The following ZFYVE21 variants were observed in gnomAD, a reference collection of about 807,000 sequenced individuals.
ZFYVE21 encodes zinc finger FYVE-type containing 21, also known as zinc finger FYVE domain-containing protein 21.
A neutral mutation model predicts 29.5 loss-of-function variants in ZFYVE21; 21 were observed. The observed-to-expected ratio is 0.71, with a 90% CI of 0.50 to 1.02. The LOEUF (loss-of-function observed/expected upper bound fraction) is 1.02, where lower values mean the gene tolerates loss of function less well. ZFYVE21 is among the 50% of genes least tolerant of loss of function. The pLI, the probability that ZFYVE21 is intolerant of heterozygous loss-of-function variation, is 0.00. For synonymous variants in ZFYVE21, 151 were observed against 133.8 expected (o/e 1.13, Z -0.89); for missense variants, 326 against 335.4 (o/e 0.97, Z 0.22).
At chr14:103,732,522 C>G in intron 5 of ZFYVE21, 98 bp from the exon 6 acceptor site, 1 of 1,426,174 alleles carries the variant, frequency 7.0e-7, no homozygotes, top group South Asian at 1.5e-5. Flanking sequence ...CTTGGAGCAG[C>G]ACAAGGTTAG....
At chr14:103,721,294 G>A (rs1231531926) in intron 1 of ZFYVE21, among the ~76,000 whole-genome samples, 1 of 152,254 alleles carries the variant, frequency 6.6e-6, no homozygotes, top group African/African-American at 2.4e-5. Flanking sequence ...TCTGACTCCT[G>A]TAGGCAGCCA....
chr14:103,732,838 G>A lies in ZFYVE21; in HGVS notation c.669+76G>A. 3.1e-6 allele frequency: 5 copies of A among 1,600,964 alleles called. No homozygotes were observed. The South Asian group carries it at 5.5e-5, about 18-fold the overall frequency. On this transcript the variant is annotated intron_variant, in intron 6 of 6. Coordinates refer to ENST00000311141, the MANE Select transcript of ZFYVE21 (RefSeq NM_024071.4). ...TTGCCTTTCCCAGAGGAAGCTCTGTGTCCTGCCATTTGCCCCCTATCCCCA... is the reference window on the plus strand; with the variant it reads ...TTGCCTTTCCCAGAGGAAGCTCTGTATCCTGCCATTTGCCCCCTATCCCCA...
chr14:103,720,381 C>T (rs1368819743), intron 1 of ZFYVE21, among the ~76,000 whole-genome samples: 3 of 151,934 alleles, frequency 2.0e-5, no homozygotes, highest in Non-Finnish European at 4.4e-5. Flanking sequence ...TTTTGATTGG[C>T]GAGTTCTTGG....
At position 103,733,151 on chromosome 14, in the gene ZFYVE21, G is replaced by C; in HGVS notation, c.*133G>C. The C allele has an allele frequency of 1.8e-6, 2 of 1,105,106 alleles. No individual in the cohort carries two copies. Among genetic ancestry groups the C allele is most frequent in the Non-Finnish European group, 2.7e-6 (2 of 752,440 alleles). 68.5% of individuals were successfully genotyped at this position (1,105,106 alleles called of 1,614,324 possible). ...GGAAATGCAACTCACTCATGTATTTGGAGAAACAGGAGTGTTCACTTATCT... is the reference window on the plus strand; with the variant it reads ...GGAAATGCAACTCACTCATGTATTTCGAGAAACAGGAGTGTTCACTTATCT... On this transcript the variant is annotated 3_prime_UTR_variant, in exon 7 of 7. Transcript: ENST00000311141.
chr14:103,729,923 A>G (rs183098075), intron 5 of ZFYVE21: 1 of 1,491,698 alleles, frequency 6.7e-7, no homozygotes, highest in East Asian at 2.5e-5. Flanking sequence ...GCTTCTGTCC[A>G]CGGGGTGGTC....
At chr14:103,726,475 C>T (rs760330638) in intron 1 of ZFYVE21, 5 of 290,964 alleles carry the variant, frequency 1.7e-5, no homozygotes, top group African/African-American at 6.6e-5. Flanking sequence ...CTGTTGGGTC[C>T]AGTGTGGAGG....
chr14:103,728,617 T>C (rs1464435548), intron 3 of ZFYVE21, among the ~76,000 whole-genome samples: 1 of 152,176 alleles, frequency 6.6e-6, no homozygotes, highest in East Asian at 1.9e-4. Flanking sequence ...TTCTTTGATC[T>C]GGACCTTGGT....
Position 103,733,436 on chromosome 14 carries a change from C to T in ZFYVE21, c.*418C>T, listed in dbSNP as rs955128211. ...CTTCTGGTCTGCAGTGGAGCCTGTT[C>T]GCCTCTAATAGCCAGTTTACAGCAC... is the stretch of plus-strand genomic sequence containing the variant. On this transcript the variant is annotated 3_prime_UTR_variant, in exon 7 of 7. Coordinates refer to ENST00000311141, the MANE Select transcript of ZFYVE21 (RefSeq NM_024071.4). The T allele has an allele frequency of 9.0e-5, 16 of 177,846 alleles. No homozygotes were observed. In the Middle Eastern group the frequency reaches 0.015, roughly 171 times the overall value. 11.0% of individuals were successfully genotyped at this position (177,846 alleles called of 1,614,324 possible).
intron 1 of ZFYVE21, among the ~76,000 whole-genome samples, chr14:103,721,993 C>T (rs1466324089): frequency 6.6e-6 from 1 of 152,214 alleles, no homozygotes; most frequent in Non-Finnish European, 1.5e-5. Flanking sequence ...TTGGTGTATT[C>T]TCCCTAGCTC....
In ZFYVE21 at chr14:103,715,900, G is replaced by A. The variant is rs976848125; in HGVS notation, c.59G>A (p.Gly20Asp). ...AAGAAGCTGGTGCGCTCCCCGAGCG[G>A]CCTGCGCATGGTGCCCGAACACCGC... is the stretch of plus-strand genomic sequence containing the variant. ...DAKKLVRSPS[G>D]LRMVPEHRAF... Residue 20 changes from glycine (G) to aspartate (D), a missense_variant, in exon 1 of 7, where the codon GGC becomes GAC. Coordinates refer to ENST00000311141, the MANE Select transcript of ZFYVE21 (RefSeq NM_024071.4). The A allele has an allele frequency of 2.1e-6, 3 of 1,440,068 alleles. No homozygotes were observed. The highest frequency in any genetic ancestry group is 3.2e-5 in the East Asian group (1 of 31,268). 89.2% of individuals were successfully genotyped at this position (1,440,068 alleles called of 1,614,324 possible). A position where few individuals can be genotyped will look rare whatever the true frequency, so the allele number is the denominator to read the frequency against.
In ZFYVE21 at chr14:103,733,146, T is replaced by C. The variant is rs2084002676; in HGVS notation, c.*128T>C. The stretch of plus-strand genomic sequence containing the variant: ...TGCTGGGAAATGCAACTCACTCATG[T>C]ATTTGGAGAAACAGGAGTGTTCACT... On this transcript the variant is annotated 3_prime_UTR_variant, in exon 7 of 7. Coordinates refer to ENST00000311141, the MANE Select transcript of ZFYVE21 (RefSeq NM_024071.4). 4.0e-6 allele frequency: 5 copies of C among 1,263,474 alleles called. No individual in the cohort carries two copies. Among genetic ancestry groups the C allele is most frequent in the African/African-American group, 1.5e-5 (1 of 67,112 alleles). The allele number at this position is 1,263,474 out of a possible 1,614,324, so 78.3% of individuals were successfully genotyped here.
chr14:103,728,940 G>C lies in ZFYVE21; in HGVS notation c.391G>C (p.Glu131Gln). 1 of 1,614,092 alleles carries C rather than the reference G, an allele frequency of 6.2e-7. No homozygotes were observed. The highest frequency in any genetic ancestry group is 1.3e-5 in the African/African-American group (1 of 75,008). ...CTTCCTCGTCACGTTTGGAAACTCA[G>C]AGAAACCTGAAACTATGACTTGTCG... The part of the protein sequence containing the change: ...ATFLVTFGNS[E>Q]KPETMTCRLS... Residue 131 changes from glutamate to glutamine, a missense_variant, in exon 4 of 7, where the codon GAG becomes CAG. By Grantham distance (29) the Glu-to-Gln change is conservative. Coordinates refer to ENST00000311141, the MANE Select transcript of ZFYVE21 (RefSeq NM_024071.4).
chr14:103,729,635 C>T, intron 5 of ZFYVE21: 2 of 911,330 alleles, frequency 2.2e-6, no homozygotes, highest in East Asian at 2.7e-5. Flanking sequence ...CCATCCTGGG[C>T]CTCTCCACTA....
chr14:103,727,890 A>G lies in ZFYVE21; in HGVS notation c.334A>G (p.Lys112Glu). The G allele has an allele frequency of 2.5e-6, 4 of 1,612,702 alleles. No individual in the cohort carries two copies. The highest frequency in any genetic ancestry group is 3.4e-6 in the Non-Finnish European group (4 of 1,179,506). ...CCTCAAGGAGGCGGAGTTCTACGAC[A>G]AGCAGCTCAAAGTGCTCCTGAGCGG... is the stretch of plus-strand genomic sequence containing the variant. ...VSLKEAEFYD[K>E]QLKVLLSGAT... Residue 112 changes from lysine to glutamate, a missense_variant, in exon 3 of 7, where the codon AAG (lysine) becomes GAG (glutamate). Transcript: ENST00000311141.
At position 103,727,946 on chromosome 14, in the gene ZFYVE21, G is replaced by T. The variant is rs569705517; in HGVS notation, c.358+32G>T. 5.7e-6 allele frequency: 9 copies of T among 1,570,222 alleles called. No homozygotes were observed. The African/African-American group carries it at 1.1e-4, about 19-fold the overall frequency. ...ACGGGTGTCCTGCACAGTCCCGCGC[G>T]CTCCGCCAGCCGGCTCCTCGTGTCT... is the stretch of plus-strand genomic sequence containing the variant. On this transcript the variant is annotated intron_variant, in intron 3 of 6. Coordinates refer to ENST00000311141, the MANE Select transcript of ZFYVE21 (RefSeq NM_024071.4).
At chr14:103,727,285 G>A (rs1408368453) in intron 2 of ZFYVE21, 5 of 358,898 alleles carry the variant, frequency 1.4e-5, no homozygotes, top group Middle Eastern at 9.9e-4. Context: ...CCCTGTTTCC[G>A]TGGAAAGTGA....
chr14:103,723,268 G>A (rs2083889511), intron 1 of ZFYVE21, among the ~76,000 whole-genome samples: 1 of 152,240 alleles, frequency 6.6e-6, no homozygotes, highest in Non-Finnish European at 1.5e-5. Context: ...CAGAGGCAGG[G>A]ACTGTGCCAC....
chr14:103,732,908 A>G (rs1198573867), intron 6 of ZFYVE21, 75 bp from the exon 7 acceptor site: 1 of 1,611,268 alleles, frequency 6.2e-7, no homozygotes, highest in African/African-American at 1.3e-5. Flanking sequence ...ATCTCCCCTG[A>G]AATGCACACA....
chr14:103,728,833 C>T, intron 3 of ZFYVE21, 75 bp from the exon 4 acceptor site: 2 of 1,441,696 alleles, frequency 1.4e-6, no homozygotes, highest in Non-Finnish European at 9.7e-7. Context: ...CGTGCGTCTC[C>T]TACTGGTACT....
Sources: allele counts gnomAD v4.1 joint callset (sites outside exome capture counted in the v4.1 genomes callset), GRCh38; gene constraint gnomAD v4.1.1; transcripts MANE v1.5; gene names NCBI Gene and HGNC (gene_info 2026-07-23, HGNC 2026-07-21).